Variants in FGD3 observed in about 807,000 individuals in gnomAD.
FGD3 encodes the protein FYVE, RhoGEF and PH domain-containing protein 3.
A neutral mutation model predicts 71.8 loss-of-function variants in FGD3; 45 were observed. The observed-to-expected ratio is 0.63, with a 90% CI of 0.49 to 0.80. FGD3 has a LOEUF of 0.80. Among genes scored for constraint, FGD3 ranks in the 30% least tolerant of loss-of-function variants. The pLI, the probability that FGD3 is intolerant of heterozygous loss-of-function variation, is 0.00. For missense variants in FGD3, 844 were observed against 951.5 expected (o/e 0.89, Z 1.49); for synonymous variants, 378 against 392.8 (o/e 0.96, Z 0.44).
chr9:93,028,539 A>G (rs1289395938), intron 14 of FGD3, among the ~76,000 whole-genome samples: 1 of 152,198 alleles, frequency 6.6e-6, no homozygotes, highest in Non-Finnish European at 1.5e-5. Flanking sequence ...CCTCCTCCCC[A>G]GAGAGGAAAT....
chr9:93,021,459 C>G (rs190807351), intron 13 of FGD3, among the ~76,000 whole-genome samples: 2 of 152,268 alleles, frequency 1.3e-5, no homozygotes, highest in East Asian at 3.9e-4. Flanking sequence ...CCGATCTCTG[C>G]CCGCTGCGAG....
rs1185316080 is a variant in FGD3, at chr9:92,984,729, G to C, written c.453+8020G>C. 2.6e-5 allele frequency among the ~76,000 whole-genome samples: 4 copies of C among 152,118 alleles called. No homozygotes were observed. The South Asian group carries it at 6.2e-4, about 24-fold the overall frequency. On this transcript the variant is annotated intron_variant, in intron 3 of 17. Transcript: ENST00000375482. Reference sequence around the variant, plus strand: ...ATATTTTTGCCCCAAAGAGGTGTAGGGTATTTAGACACTACCAGGGACTGG... The same window carrying C: ...ATATTTTTGCCCCAAAGAGGTGTAGCGTATTTAGACACTACCAGGGACTGG...
At chr9:92,970,492 A>G (rs1587818734) in intron 1 of FGD3, among the ~76,000 whole-genome samples, 1 of 152,218 alleles carries the variant, frequency 6.6e-6, no homozygotes, top group East Asian at 1.9e-4. Flanking sequence ...GGTGGTGACC[A>G]TTGTTCATCA....
Position 93,020,278 on chromosome 9 carries a change from G to A in FGD3, c.1387-39G>A, listed in dbSNP as rs1414284665. On this transcript the variant is annotated intron_variant, in intron 12 of 17. Transcript: ENST00000375482. ...CCTCCTGTGGGTAGCATCCTCCCAT[G>A]CCCCTTTATAGTCCTCACTGTTGTG... is the stretch of plus-strand genomic sequence containing the variant. 1.9e-6 allele frequency: 3 copies of A among 1,565,240 alleles called. No homozygotes were observed. In the South Asian group the frequency reaches 3.4e-5, roughly 18 times the overall value.
At chr9:93,004,434 A>G (rs1470662722) in intron 5 of FGD3, among the ~76,000 whole-genome samples, 1 of 152,244 alleles carries the variant, frequency 6.6e-6, no homozygotes, top group Non-Finnish European at 1.5e-5. Context: ...TGGAAACACC[A>G]CACAGTGGAT....
At position 93,032,796 on chromosome 9, in the gene FGD3, A is replaced by G; in HGVS notation, c.1708A>G (p.Lys570Glu). The G allele has an allele frequency of 6.2e-7, 1 of 1,614,214 alleles. No individual in the cohort carries two copies. The highest frequency in any genetic ancestry group is 8.5e-7 in the Non-Finnish European group (1 of 1,180,028). ...AVICGKCSEF[K>E]AENSRQSRVC... is the part of the protein sequence containing the mutation. ...CATCTGTGGGAAGTGCTCCGAGTTC[A>G]AGGCCGAGAACAGCCGGCAGAGCCG... The change falls in exon 16 of 18, where the codon AAG (lysine) becomes GAG (glutamate). Residue 570 changes from lysine to glutamate, a missense_variant. Transcript: ENST00000375482.
chr9:92,995,147 C>G (rs531980866), intron 3 of FGD3, among the ~76,000 whole-genome samples: 1 of 152,088 alleles, frequency 6.6e-6, no homozygotes, highest in South Asian at 2.1e-4. Flanking sequence ...TCTTTTATTT[C>G]GTTGAGCAGT....
chr9:92,953,071 G>A (rs1000407291), intron 1 of FGD3, among the ~76,000 whole-genome samples: 4 of 152,200 alleles, frequency 2.6e-5, no homozygotes, highest in African/African-American at 7.2e-5. Flanking sequence ...GGGCATATGA[G>A]TGTTTCTGGT....
At chr9:93,032,403 G>A (rs778747193) in intron 15 of FGD3, 76 of 222,832 alleles carry the variant, frequency 3.4e-4, no homozygotes, top group Middle Eastern at 1.7e-3. Flanking sequence ...AAATAGCCAT[G>A]CTGAGGGGTG....
chr9:93,012,079 G>A (rs1401002121), intron 8 of FGD3, among the ~76,000 whole-genome samples: 1 of 144,862 alleles, frequency 6.9e-6, no homozygotes, highest in Non-Finnish European at 1.5e-5. Context: ...GCATGAACCT[G>A]GGAGGCGGAG....
chr9:93,010,851 T>A (rs1861315680), intron 7 of FGD3, among the ~76,000 whole-genome samples: 1 of 151,902 alleles, frequency 6.6e-6, no homozygotes, highest in South Asian at 2.1e-4. Flanking sequence ...CTGGGGAAGG[T>A]GCTACTAAAT....
chr9:92,990,990 G>C (rs1860384925), intron 3 of FGD3, among the ~76,000 whole-genome samples: 1 of 152,116 alleles, frequency 6.6e-6, no homozygotes, highest in South Asian at 2.1e-4. Flanking sequence ...TTGATAATTG[G>C]TATCAATTGT....
intron 8 of FGD3, 27 bp downstream of exon 8, chr9:93,011,299 G>A (rs1291044835): frequency 8.7e-6 from 14 of 1,613,922 alleles, no homozygotes; most frequent in Non-Finnish European, 1.1e-5. Context: ...AGTGGCGACC[G>A]GCAGGGTGGT....
chr9:93,002,303 G>A (rs148829963), intron 3 of FGD3, among the ~76,000 whole-genome samples: 1 of 152,254 alleles, frequency 6.6e-6, no homozygotes, highest in South Asian at 2.1e-4. Context: ...ACAGGAGGAG[G>A]CCAGGCACGG....
Position 93,032,765 on chromosome 9 carries a change from G to A in FGD3, c.1681-4G>A. ...TGGGGTCACACGTGCCCTCTGTTTG[G>A]CAGGTCATCTGTGGGAAGTGCTCCG... On this transcript the variant is annotated splice_region_variant and splice_polypyrimidine_tract_variant and intron_variant, in intron 15 of 17. Coordinates refer to ENST00000375482, the MANE Select transcript of FGD3 (RefSeq NM_001083536.2). 6 of 1,614,110 alleles carry A rather than the reference G, an allele frequency of 3.7e-6. No homozygotes were observed. Among genetic ancestry groups the A allele is most frequent in the Non-Finnish European group, 5.1e-6 (6 of 1,179,928 alleles).
At chr9:92,983,707 T>C (rs1860084282) in intron 3 of FGD3, among the ~76,000 whole-genome samples, 1 of 152,228 alleles carries the variant, frequency 6.6e-6, no homozygotes. Context: ...ATGGAAAAAC[T>C]GAATACTCCT....
chr9:93,030,383 G>A (rs573302350), intron 15 of FGD3, among the ~76,000 whole-genome samples: 18 of 152,236 alleles, frequency 1.2e-4, no homozygotes, highest in Admixed American at 5.9e-4. Context: ...TTGCCCCAGC[G>A]CTCCAGTGGT....
chr9:93,025,327 G>A (rs1452871310), intron 14 of FGD3, among the ~76,000 whole-genome samples: 1 of 152,174 alleles, frequency 6.6e-6, no homozygotes, highest in East Asian at 1.9e-4. Flanking sequence ...ACAGACCTCA[G>A]CTCCAGCCCA....
intron 3 of FGD3, 146 bp downstream of exon 3, chr9:92,976,855 T>G (rs1267844116): frequency 1.0e-6 from 1 of 972,110 alleles, no homozygotes; most frequent in Admixed American, 3.0e-5. Flanking sequence ...GGTCCTGGGA[T>G]GCAGTCTGCC....
Sources: allele counts gnomAD v4.1 joint callset (sites outside exome capture counted in the v4.1 genomes callset), GRCh38; gene constraint gnomAD v4.1.1; transcripts MANE v1.5; gene names NCBI Gene and HGNC (gene_info 2026-07-23, HGNC 2026-07-21).